Variants in RALYL observed in about 807,000 individuals in gnomAD.
The protein encoded by RALYL is RNA-binding Raly-like protein.
RALYL carries 29 observed loss-of-function variants against 35.1 expected under a neutral mutation model. The ratio of observed to expected loss-of-function variants is 0.83; its 90% CI spans 0.61 to 1.13. The LOEUF is 1.13. RALYL is among the 50% of genes most tolerant of loss of function. The pLI is 0.00. For synonymous variants in RALYL, 120 were observed against 127.6 expected, an observed-to-expected ratio of 0.94 and a Z score of 0.40; for missense variants, 359 against 360.4, an observed-to-expected ratio of 1.00 and a Z score of 0.03.
intron 1 of RALYL, among the ~76,000 whole-genome samples, chr8:84,351,665 G>A (rs1850915460): frequency 6.7e-6 from 1 of 148,308 alleles, no homozygotes; most frequent in African/African-American, 2.5e-5. Flanking sequence ...ATTTGTCCTT[G>A]TTAGGTCTCT....
intron 1 of RALYL, among the ~76,000 whole-genome samples, chr8:84,379,382 T>C (rs1252952061): frequency 2.0e-5 from 3 of 151,930 alleles, no homozygotes; most frequent in Non-Finnish European, 4.4e-5. Context: ...CAGTCACATA[T>C]GGTGAGGTCA....
At chr8:84,815,010 A>G (rs989788000) in intron 4 of RALYL, among the ~76,000 whole-genome samples, 6 of 152,194 alleles carry the variant, frequency 3.9e-5, no homozygotes, top group African/African-American at 1.4e-4. Flanking sequence ...ATCCACCTCC[A>G]TTGTTTTCCA....
chr8:84,620,409 T>C (rs530660653), intron 2 of RALYL, among the ~76,000 whole-genome samples: 7 of 152,170 alleles, frequency 4.6e-5, no homozygotes, highest in African/African-American at 1.7e-4. Context: ...TTCTGCATTC[T>C]TCACGTAGTT....
intron 6 of RALYL, among the ~76,000 whole-genome samples, 181 bp downstream of exon 6, chr8:84,862,634 T>C (rs573360519): frequency 6.6e-6 from 1 of 152,154 alleles, no homozygotes; most frequent in African/African-American, 2.4e-5. Flanking sequence ...TGTGTTGCAG[T>C]AGGGGAGACA....
intron 1 of RALYL, among the ~76,000 whole-genome samples, chr8:84,255,793 C>T (rs189196181): frequency 7.0e-4 from 107 of 151,942 alleles, no homozygotes; most frequent in African/African-American, 2.5e-3. Context: ...GAGTTTTCCC[C>T]GGAAAATTTA....
intron 2 of RALYL, among the ~76,000 whole-genome samples, chr8:84,634,991 G>A (rs1481867789): frequency 6.6e-6 from 1 of 151,654 alleles, no homozygotes; most frequent in Non-Finnish European, 1.5e-5. Flanking sequence ...ACGTAGTTAG[G>A]GAGAACCTGC....
intron 4 of RALYL, among the ~76,000 whole-genome samples, chr8:84,839,665 G>T (rs1010028859): frequency 5.9e-5 from 9 of 152,232 alleles, no homozygotes; most frequent in African/African-American, 2.2e-4. Flanking sequence ...TGGACAGACT[G>T]CCTCCTTAAG....
At chr8:84,558,764 T>C (rs1305996352) in intron 2 of RALYL, among the ~76,000 whole-genome samples, 2 of 152,180 alleles carry the variant, frequency 1.3e-5, no homozygotes, top group Non-Finnish European at 2.9e-5. Flanking sequence ...TTTTTCAACA[T>C]GTGCTGTAAA....
chr8:84,235,290 T>C (rs1171152030), intron 1 of RALYL, among the ~76,000 whole-genome samples: 2 of 152,222 alleles, frequency 1.3e-5, no homozygotes, highest in East Asian at 3.8e-4. Context: ...AAATACAGGC[T>C]AAGAAGTCAG....
intron 1 of RALYL, among the ~76,000 whole-genome samples, chr8:84,466,676 T>A (rs1437165765): frequency 4.0e-5 from 6 of 151,732 alleles, no homozygotes; most frequent in Admixed American, 6.6e-5. Flanking sequence ...TTAGGGAGGA[T>A]TCCCTCTTTT....
At chr8:84,513,530 C>T (rs992441300) in intron 1 of RALYL, among the ~76,000 whole-genome samples, 3 of 152,020 alleles carry the variant, frequency 2.0e-5, no homozygotes, top group African/African-American at 7.2e-5. Context: ...AACATGTAAT[C>T]TCAAGTAAAA....
chr8:84,752,892 C>A (rs1201707645), intron 2 of RALYL, among the ~76,000 whole-genome samples: 8 of 152,164 alleles, frequency 5.3e-5, no homozygotes, highest in African/African-American at 1.9e-4. Context: ...TCATGGAGAA[C>A]CTCTACTAGG....
intron 1 of RALYL, among the ~76,000 whole-genome samples, chr8:84,326,188 CATAT>C (rs1332126677): frequency 6.6e-6 from 1 of 152,170 alleles, no homozygotes; most frequent in Non-Finnish European, 1.5e-5. Context: ...ATAAAATATA[CATAT>C]ATGAGTATGC....
At chr8:84,524,574 G>T (rs1162720848) in intron 1 of RALYL, among the ~76,000 whole-genome samples, 1 of 152,124 alleles carries the variant, frequency 6.6e-6, no homozygotes, top group Non-Finnish European at 1.5e-5. Context: ...TAAATCAGCA[G>T]AATGGTAGAG....
At chr8:84,622,712 G>A (rs1277769182) in intron 2 of RALYL, among the ~76,000 whole-genome samples, 2 of 152,136 alleles carry the variant, frequency 1.3e-5, no homozygotes, top group African/African-American at 4.8e-5. Context: ...CATCAATGAG[G>A]TAAGGACTCT....
intron 1 of RALYL, among the ~76,000 whole-genome samples, chr8:84,431,633 G>T (rs1563919938): frequency 1.3e-5 from 2 of 151,940 alleles, no homozygotes; most frequent in South Asian, 4.2e-4. Flanking sequence ...TTCCATATTT[G>T]AGTGAGATCA....
chr8:84,586,687 G>A (rs1328380331), intron 2 of RALYL, among the ~76,000 whole-genome samples: 3 of 152,024 alleles, frequency 2.0e-5, no homozygotes, highest in African/African-American at 7.2e-5. Context: ...ACTAAGCAAT[G>A]TTTTCCCTTC....
intron 6 of RALYL, among the ~76,000 whole-genome samples, chr8:84,869,430 A>G (rs1054914657): frequency 6.6e-6 from 1 of 152,226 alleles, no homozygotes; most frequent in African/African-American, 2.4e-5. Flanking sequence ...ATTTACTGTC[A>G]AAGTCCACAT....
chr8:84,333,340 T>G (rs1847177363), intron 1 of RALYL, among the ~76,000 whole-genome samples: 2 of 152,156 alleles, frequency 1.3e-5, no homozygotes. Flanking sequence ...AGTGATCTGC[T>G]TGCAAATAAA....
Sources: gnomAD v4.1 joint callset for allele counts (sites outside exome capture counted in the v4.1 genomes callset) on GRCh38, gnomAD v4.1.1 for gene constraint, MANE v1.5 for transcripts, NCBI Gene and HGNC (gene_info 2026-07-23, HGNC 2026-07-21) for gene names.